TRPC5: variants seen among roughly 807,000 people sequenced by gnomAD.
TRPC5 encodes short transient receptor potential channel 5.
Under a neutral mutation model 56.5 loss-of-function variants are expected in TRPC5, and 9 were observed. The observed-to-expected ratio is 0.16, with a 90% CI of 0.10 to 0.28. TRPC5 has a LOEUF of 0.28. Ranked by LOEUF, TRPC5 falls within the 10% of genes least tolerant of loss-of-function variation. The probability of loss-of-function intolerance (pLI) is 1.00; values close to 1 mark genes in which losing one functional copy is unlikely to be tolerated. For missense variants in TRPC5, 469 were observed against 748.9 expected, an observed-to-expected ratio of 0.63 and a Z score of 4.36; for synonymous variants, 282 against 278.5, an observed-to-expected ratio of 1.01 and a Z score of -0.13.
Position 111,775,693 on chromosome X carries a change from A to G in TRPC5, c.*620T>C, listed in dbSNP as rs1044342788. 5 of 112,396 alleles carry G rather than the reference A, an allele frequency of 4.4e-5. No individual in the cohort carries two copies. Among genetic ancestry groups the G allele is most frequent in the African/African-American group, 6.5e-5 (2 of 30,827 alleles). The allele number at this position is 112,396 out of a possible 1,213,427, so 9.3% of individuals were successfully genotyped here. On this transcript the variant is annotated 3_prime_UTR_variant, in exon 11 of 11. Transcript: ENST00000262839. ...CATCTTTAAGAAACAAGAAAACTCA[A>G]TAGCCCCCACAATAAGAAGTTGTAG...
chrX:111,832,626 T>C (rs1316139078), intron 7 of TRPC5, among the ~76,000 whole-genome samples: 1 of 111,716 alleles, frequency 9.0e-6, no homozygotes, highest in African/African-American at 3.3e-5. Context: ...CATTTCCAAA[T>C]GGTAAAAACA....
At chrX:111,857,251 T>C (rs1025890292) in intron 3 of TRPC5, among the ~76,000 whole-genome samples, 2 of 111,805 alleles carry the variant, frequency 1.8e-5, no homozygotes, top group Non-Finnish European at 3.8e-5. Flanking sequence ...CTGTTGTCAA[T>C]CTTGAACAAA....
At chrX:112,015,428 A>G in intron 1 of TRPC5, among the ~76,000 whole-genome samples, 1 of 109,392 alleles carries the variant, frequency 9.1e-6, no homozygotes, top group Non-Finnish European at 1.9e-5. Context: ...TTTCTTACCT[A>G]GGCTGGTTTC....
intron 1 of TRPC5, among the ~76,000 whole-genome samples, chrX:112,075,145 G>A (rs190288759): frequency 7.4e-4 from 83 of 112,416 alleles, no homozygotes; most frequent in Non-Finnish European, 8.4e-4. Context: ...TGACCACTAT[G>A]TAAAGATGAC....
intron 1 of TRPC5, among the ~76,000 whole-genome samples, chrX:112,019,110 CTG>C (rs779699355): frequency 8.9e-6 from 1 of 112,443 alleles, no homozygotes; most frequent in African/African-American, 3.2e-5. Context: ...TTAATTACAT[CTG>C]CAAATACCTT....
chrX:111,965,777 G>A (rs1257200105), intron 1 of TRPC5, among the ~76,000 whole-genome samples: 20 of 111,537 alleles, frequency 1.8e-4, no homozygotes, highest in African/African-American at 5.2e-4. Flanking sequence ...TGAATCCAAC[G>A]AGAACAAAGA....
chrX:112,020,773 T>C (rs1929253395), intron 1 of TRPC5, among the ~76,000 whole-genome samples: 2 of 111,642 alleles, frequency 1.8e-5, no homozygotes, highest in Non-Finnish European at 3.8e-5. Context: ...TTCAGATCCC[T>C]GTCAAATCAG....
At chrX:111,990,882 C>T (rs895646126) in intron 1 of TRPC5, among the ~76,000 whole-genome samples, 1 of 112,154 alleles carries the variant, frequency 8.9e-6, no homozygotes, top group African/African-American at 3.2e-5. Flanking sequence ...AGAAATTCCT[C>T]GTGCGACTTA....
chrX:111,859,346 A>G (rs1273663130), intron 3 of TRPC5, among the ~76,000 whole-genome samples: 2 of 112,440 alleles, frequency 1.8e-5, no homozygotes, highest in Admixed American at 1.9e-4. Context: ...TAGTTTTTGA[A>G]ACATAATTTT....
chrX:112,057,427 T>C (rs1930367112), intron 1 of TRPC5, among the ~76,000 whole-genome samples: 1 of 111,979 alleles, frequency 8.9e-6, no homozygotes, highest in Admixed American at 9.4e-5. Context: ...TGTTTTTGCT[T>C]ACACTTTTTT....
At chrX:111,993,116 T>C (rs1310433181) in intron 1 of TRPC5, among the ~76,000 whole-genome samples, 1 of 104,706 alleles carries the variant, frequency 9.6e-6, no homozygotes, top group Non-Finnish European at 2.0e-5. Flanking sequence ...GTGATCTCAT[T>C]GTTCAGTTCC....
chrX:111,804,784 G>T (rs770253940), intron 7 of TRPC5, among the ~76,000 whole-genome samples: 1 of 111,841 alleles, frequency 8.9e-6, no homozygotes, highest in Admixed American at 9.5e-5. Context: ...ATACAATCAT[G>T]TCATCTGCAA....
At chrX:111,816,290 G>C (rs779255328) in intron 7 of TRPC5, among the ~76,000 whole-genome samples, 13 of 112,179 alleles carry the variant, frequency 1.2e-4, no homozygotes, top group South Asian at 1.1e-3. Context: ...GTCATCACTG[G>C]ATTTTATTTA....
chrX:112,045,631 T>G (rs1186176272), intron 1 of TRPC5, among the ~76,000 whole-genome samples: 1 of 112,055 alleles, frequency 8.9e-6, no homozygotes. Flanking sequence ...TTATTATACA[T>G]TTGCAAGGAG....
At chrX:112,001,929 G>A (rs747400427) in intron 1 of TRPC5, among the ~76,000 whole-genome samples, 10 of 111,828 alleles carry the variant, frequency 8.9e-5, no homozygotes, top group East Asian at 2.8e-4. Flanking sequence ...CGCACGTCAC[G>A]TTCTACTTTC....
chrX:112,058,506 C>T (rs1421864976), intron 1 of TRPC5, among the ~76,000 whole-genome samples: 1 of 111,743 alleles, frequency 8.9e-6, no homozygotes, highest in Non-Finnish European at 1.9e-5. Context: ...CAGAGGAAAG[C>T]GTCACTCTCA....
intron 3 of TRPC5, among the ~76,000 whole-genome samples, chrX:111,857,565 A>G (rs1045552433): frequency 8.9e-6 from 1 of 112,707 alleles, no homozygotes; most frequent in African/African-American, 3.2e-5. Context: ...ATTGACATCA[A>G]ATACTGATGT....
chrX:111,899,044 C>T (rs1018510285), intron 3 of TRPC5, among the ~76,000 whole-genome samples: 7 of 110,807 alleles, frequency 6.3e-5, no homozygotes, highest in African/African-American at 2.3e-4. Context: ...ATGCCACACT[C>T]TTACTCTTTC....
chrX:112,031,909 CAT>C (rs796998978), intron 1 of TRPC5, among the ~76,000 whole-genome samples: 120 of 106,288 alleles, frequency 1.1e-3, no homozygotes, highest in African/African-American at 3.1e-3. Flanking sequence ...TTTGATATTA[CAT>C]ATATATATAT....
Sources: gnomAD v4.1 joint callset for allele counts (sites outside exome capture counted in the v4.1 genomes callset) on GRCh38, gnomAD v4.1.1 for gene constraint, MANE v1.5 for transcripts, NCBI Gene and HGNC (gene_info 2026-07-23, HGNC 2026-07-21) for gene names.